PPIL2: variants seen among roughly 807,000 people sequenced by gnomAD.
The protein encoded by PPIL2 is peptidylprolyl isomerase like 2.
A neutral mutation model predicts 75.2 loss-of-function variants in PPIL2; 50 were observed. The ratio of observed to expected loss-of-function variants is 0.66; its 90% CI spans 0.53 to 0.84. PPIL2 has a LOEUF of 0.84. PPIL2 is among the 40% of genes least tolerant of loss of function. The pLI is 0.00. For synonymous variants in PPIL2, 245 were observed against 258.8 expected (o/e 0.95, Z 0.51); for missense variants, 590 against 685.0 (o/e 0.86, Z 1.55).
At chr22:21,681,956 C>T (rs973428278) in intron 7 of PPIL2, among the ~76,000 whole-genome samples, 3 of 152,212 alleles carry the variant, frequency 2.0e-5, no homozygotes, top group African/African-American at 4.8e-5. Flanking sequence ...AGGTGGCCAG[C>T]GCTGCTCCAG....
chr22:21,684,678 G>C, intron 9 of PPIL2, 75 bp from the exon 10 acceptor site: 1 of 1,559,788 alleles, frequency 6.4e-7, no homozygotes, highest in Non-Finnish European at 8.7e-7. Context: ...GGCTATTCTA[G>C]ATCTGTGTCC....
At chr22:21,680,198 C>T (rs545108398) in intron 6 of PPIL2, among the ~76,000 whole-genome samples, 3 of 152,002 alleles carry the variant, frequency 2.0e-5, no homozygotes, top group South Asian at 2.1e-4. Context: ...TTTGACAGGG[C>T]CCCTGGCCAC....
Position 21,696,718 on chromosome 22 carries a change from TTTG to T in PPIL2, c.*1232_*1234del. ...AGGCCTTGTTCTTGGTTTTCTCATT[TTTG>T]TTGCCCCAAATCTTGAACCTGTCAG... On this transcript the variant is annotated 3_prime_UTR_variant, in exon 20 of 20. Coordinates refer to ENST00000398831, the MANE Select transcript of PPIL2 (RefSeq NM_014337.4). 1 of 1,536,870 alleles carries T rather than the reference TTTG, an allele frequency of 6.5e-7. No homozygotes were observed.
intron 1 of PPIL2, 87 bp from the exon 2 acceptor site, chr22:21,669,826 C>G (rs913906547): frequency 1.8e-5 from 24 of 1,353,168 alleles, no homozygotes; most frequent in Non-Finnish European, 2.3e-5. Context: ...TAAGCATTTG[C>G]TGAGTAAGCA....
chr22:21,692,357 T>A (rs973047024), intron 15 of PPIL2, among the ~76,000 whole-genome samples: 26 of 151,356 alleles, frequency 1.7e-4, no homozygotes, highest in African/African-American at 5.3e-4. Context: ...GGTTTCACCG[T>A]GTTAGCGAGG....
chr22:21,688,437 C>A (rs890925413), intron 14 of PPIL2, among the ~76,000 whole-genome samples: 2 of 152,226 alleles, frequency 1.3e-5, no homozygotes, highest in Admixed American at 6.5e-5. Context: ...ATCCCCCAAC[C>A]TCTGTATTCC....
intron 1 of PPIL2, among the ~76,000 whole-genome samples, chr22:21,669,032 A>G (rs1450218121): frequency 1.3e-5 from 1 of 76,868 alleles, no homozygotes; most frequent in Non-Finnish European, 2.6e-5. Flanking sequence ...TTTTTTTTTT[A>G]GTAGAGACTG....
chr22:21,670,647 T>C (rs774834343), intron 3 of PPIL2, 36 bp downstream of exon 3: 3 of 1,570,576 alleles, frequency 1.9e-6, no homozygotes, highest in Non-Finnish European at 2.6e-6. Context: ...CCCTTGTAAT[T>C]GTTCTCTGAT....
At chr22:21,682,170 A>G (rs2067154043) in intron 7 of PPIL2, among the ~76,000 whole-genome samples, 2 of 152,264 alleles carry the variant, frequency 1.3e-5, no homozygotes, top group African/African-American at 4.8e-5. Flanking sequence ...TGACTCGCTG[A>G]GTCTTTTTGC....
At position 21,695,011 on chromosome 22, in the gene PPIL2, G is replaced by A. The variant is rs551929873; in HGVS notation, c.1407G>A (p.Gly469=). ...TKVKSSQPQA[G]SQGPQTFRQG... is the part of the protein sequence containing the mutation. Reference sequence around the variant, plus strand: ...TGAAGAGCAGCCAGCCCCAGGCAGGGAGCCAGGGCCCCCAGACCTTCCGCC... The same window carrying A: ...TGAAGAGCAGCCAGCCCCAGGCAGGAAGCCAGGGCCCCCAGACCTTCCGCC... Residue 469 remains glycine, a synonymous_variant, in exon 19 of 20, where the codon GGG becomes GGA. Transcript: ENST00000398831. The A allele has an allele frequency of 5.0e-6, 8 of 1,613,462 alleles. No homozygotes were observed. In the Admixed American group the frequency reaches 1.2e-4, roughly 24 times the overall value.
At chr22:21,672,171 C>T (rs2066658907) in intron 4 of PPIL2, among the ~76,000 whole-genome samples, 159 bp from the exon 5 acceptor site, 1 of 152,212 alleles carries the variant, frequency 6.6e-6, no homozygotes, top group African/African-American at 2.4e-5. Flanking sequence ...AAATATCCCC[C>T]AACTTCCTGA....
chr22:21,685,386 C>T (rs144670381), intron 10 of PPIL2, among the ~76,000 whole-genome samples: 1,698 of 152,212 alleles, frequency 0.011, 19 homozygotes, highest in South Asian at 0.038. Flanking sequence ...GGATGGCATG[C>T]CTGGGACTGC....
chr22:21,682,332 C>T, intron 7 of PPIL2, 105 bp from the exon 8 acceptor site: 3 of 950,148 alleles, frequency 3.2e-6, no homozygotes. Context: ...CCTCATGCCT[C>T]TCAAATCGTG....
intron 6 of PPIL2, among the ~76,000 whole-genome samples, chr22:21,680,043 A>T (rs1409882127): frequency 2.0e-5 from 3 of 150,518 alleles, no homozygotes; most frequent in African/African-American, 7.3e-5. Context: ...TGAGCCGAGG[A>T]GATCATGCCA....
rs940402655 is a variant in PPIL2, at chr22:21,674,914, G to A, written c.244-150G>A. Reference sequence around the variant, plus strand: ...GACGCCATCCTGCAGCCCCCGTGAGGTCCTTGCAGGGTCTTGGGGCCTTCC... The same window carrying A: ...GACGCCATCCTGCAGCCCCCGTGAGATCCTTGCAGGGTCTTGGGGCCTTCC... On this transcript the variant is annotated intron_variant, in intron 5 of 19. Transcript: ENST00000398831. 4.5e-6 allele frequency: 3 copies of A among 660,030 alleles called. No homozygotes were observed. In the Admixed American group the frequency reaches 8.5e-5, roughly 19 times the overall value. 40.9% of individuals were successfully genotyped at this position (660,030 alleles called of 1,614,324 possible).
downstream of PPIL2, chr22:21,698,274 A>AAAT (rs1410051787): frequency 6.6e-6 from 1 of 152,130 alleles, no homozygotes; most frequent in Non-Finnish European, 1.5e-5. Context: ...AAAAAAAAAA[A>AAAT]AATACAAAAG....
chr22:21,670,208 ATAAG>A (rs1371620888), intron 2 of PPIL2: 4 of 1,070,238 alleles, frequency 3.7e-6, no homozygotes, highest in Non-Finnish European at 3.9e-6. Flanking sequence ...TAAAAAATAA[ATAAG>A]TAAATGAAAT....
At chr22:21,675,188 T>C (rs2066788482) in intron 6 of PPIL2, 73 bp downstream of exon 6, 1 of 1,363,872 alleles carries the variant, frequency 7.3e-7, no homozygotes, top group African/African-American at 1.4e-5. Context: ...CCAGTTTTCA[T>C]ACGGAATCAG....
chr22:21,667,117 T>C (rs1167552946), intron 1 of PPIL2, among the ~76,000 whole-genome samples: 1 of 151,568 alleles, frequency 6.6e-6, no homozygotes, highest in East Asian at 1.9e-4. Flanking sequence ...CAGCGACTTC[T>C]TGTTGCTAAA....
Sources: gnomAD v4.1 joint callset for allele counts (sites outside exome capture counted in the v4.1 genomes callset) on GRCh38, gnomAD v4.1.1 for gene constraint, MANE v1.5 for transcripts, NCBI Gene and HGNC (gene_info 2026-07-23, HGNC 2026-07-21) for gene names.